ESR1: variants seen among roughly 807,000 people sequenced by gnomAD.
ESR1 encodes the protein estrogen receptor.
A neutral mutation model predicts 52.7 loss-of-function variants in ESR1; 12 were observed. That is an observed-to-expected ratio of 0.23 (90% CI 0.15 to 0.37). The LOEUF (loss-of-function observed/expected upper bound fraction) is 0.37. Ranked by LOEUF, ESR1 falls within the 10% of genes least tolerant of loss-of-function variation. The probability of loss-of-function intolerance (pLI) is 1.00; values close to 1 mark genes in which losing one functional copy is unlikely to be tolerated. For synonymous variants in ESR1, 305 were observed against 316.8 expected (o/e 0.96, Z 0.39); for missense variants, 584 against 779.7 (o/e 0.75, Z 2.99).
At chr6:152,127,935 C>T (rs1483176812) in exon 7 of ESR1, 1 of 152,166 alleles carries the variant, frequency 6.6e-6, no homozygotes, top group East Asian at 1.9e-4. Flanking sequence ...TTTGCCACTT[C>T]TCATTCCATC....
At chr6:151,888,158 G>A (rs1472688876) in intron 3 of ESR1, among the ~76,000 whole-genome samples, 1 of 151,950 alleles carries the variant, frequency 6.6e-6, no homozygotes, top group Admixed American at 6.6e-5. Flanking sequence ...GGGTTTTTTT[G>A]TGGTTCCATA....
intron 6 of ESR1, among the ~76,000 whole-genome samples, chr6:152,062,759 G>A (rs9341024): frequency 1.8e-4 from 27 of 152,228 alleles, no homozygotes; most frequent in African/African-American, 6.3e-4. Flanking sequence ...GGCCTATTAA[G>A]TGTTAAGACT....
intron 2 of ESR1, among the ~76,000 whole-genome samples, chr6:151,762,405 G>C (rs1164917165): frequency 1.3e-5 from 2 of 152,286 alleles, no homozygotes; most frequent in African/African-American, 2.4e-5. Flanking sequence ...CTGGTGTGCT[G>C]TTTGATTATT....
intron 1 of ESR1, among the ~76,000 whole-genome samples, chr6:151,672,493 T>C (rs892980118): frequency 8.6e-5 from 13 of 151,844 alleles, no homozygotes; most frequent in African/African-American, 2.9e-4. Context: ...CATGCCACCG[T>C]GCCCAGCTAA....
chr6:152,095,967 T>G (rs2050577869), intron 7 of ESR1, among the ~76,000 whole-genome samples: 1 of 152,172 alleles, frequency 6.6e-6, no homozygotes, highest in Admixed American at 6.5e-5. Context: ...TGCCAAAAGG[T>G]GAAAGTGGTC....
At chr6:152,074,879 G>A (rs558942078) in intron 6 of ESR1, among the ~76,000 whole-genome samples, 4 of 152,280 alleles carry the variant, frequency 2.6e-5, no homozygotes, top group Admixed American at 2.6e-4. Flanking sequence ...TGCCATCTGT[G>A]TGTCTTCTGT....
chr6:152,122,464 C>T (rs1413852238), intron 6 of ESR1: 2 of 1,614,174 alleles, frequency 1.2e-6, no homozygotes, highest in Admixed American at 3.3e-5. Context: ...ATTCGTGTAT[C>T]TGAGCATGGG....
upstream of ESR1, among the ~76,000 whole-genome samples, chr6:151,685,962 G>A (rs988485078): frequency 2.0e-5 from 3 of 151,920 alleles, no homozygotes; most frequent in Admixed American, 1.3e-4. Flanking sequence ...AAAGTGCAGC[G>A]GCACGAACGT....
intron 6 of ESR1, among the ~76,000 whole-genome samples, chr6:152,077,551 C>T (rs2048843267): frequency 1.3e-5 from 2 of 152,306 alleles, no homozygotes; most frequent in South Asian, 4.1e-4. Context: ...CTGGAAAAGC[C>T]ACAGACACTC....
At chr6:151,663,013 T>C (rs1487904298) in intron 1 of ESR1, among the ~76,000 whole-genome samples, 1 of 152,144 alleles carries the variant, frequency 6.6e-6, no homozygotes, top group Non-Finnish European at 1.5e-5. Flanking sequence ...CCACTTAAGT[T>C]ATCTGTGTCA....
chr6:151,850,034 ATATATATAATTT>A (rs1387534487), intron 2 of ESR1, among the ~76,000 whole-genome samples: 30 of 77,174 alleles, frequency 3.9e-4, no homozygotes, highest in East Asian at 2.5e-3. Context: ...AAAATTATAT[ATATATATAATTT>A]TATATATATA....
chr6:151,818,714 G>A (rs768469886), intron 1 of ESR1, among the ~76,000 whole-genome samples: 3 of 151,976 alleles, frequency 2.0e-5, no homozygotes, highest in Non-Finnish European at 4.4e-5. Flanking sequence ...GCTGTTAGGA[G>A]TTCCTCATTG....
At chr6:151,991,967 A>G (rs941387530) in intron 4 of ESR1, among the ~76,000 whole-genome samples, 2 of 152,056 alleles carry the variant, frequency 1.3e-5, no homozygotes, top group Admixed American at 1.3e-4. Context: ...ATGAGCAGGC[A>G]TCACCTCTTC....
intron 2 of ESR1, among the ~76,000 whole-genome samples, chr6:151,790,251 C>A (rs2128131011): frequency 6.6e-6 from 1 of 152,352 alleles, no homozygotes; most frequent in Non-Finnish European, 1.5e-5. Context: ...CCATTTTCCT[C>A]CGCAAACTTT....
rs4986935 is a variant in ESR1 at position 151,842,587 on chromosome 6, T to C, written c.453-10T>C. On this transcript the variant is annotated splice_polypyrimidine_tract_variant and intron_variant, in intron 1 of 7. Transcript: ENST00000206249. ...TAATGTTAATGGATTTACTGTTTTTTTCCCCCCAGGCCAAATTCAGATAAT... is the reference window on the plus strand; with the variant it reads ...TAATGTTAATGGATTTACTGTTTTTCTCCCCCCAGGCCAAATTCAGATAAT... The C allele has an allele frequency of 1.9e-5, 31 of 1,611,990 alleles. No individual in the cohort carries two copies. Among genetic ancestry groups the C allele is most frequent in the Middle Eastern group, 1.7e-4 (1 of 5,992 alleles).
chr6:151,863,892 C>CAAATTAATT (rs1469017824), intron 2 of ESR1, among the ~76,000 whole-genome samples: 2 of 152,152 alleles, frequency 1.3e-5, no homozygotes, highest in African/African-American at 2.4e-5. Flanking sequence ...CTTCCTTACA[C>CAAATTAATT]CTTATACAAA....
chr6:151,869,755 T>A (rs536227703), intron 2 of ESR1, among the ~76,000 whole-genome samples: 6 of 152,330 alleles, frequency 3.9e-5, no homozygotes, highest in South Asian at 2.1e-4. Flanking sequence ...ATTCCTTTTT[T>A]AAAAATTTTT....
intron 2 of ESR1, among the ~76,000 whole-genome samples, chr6:151,860,098 C>G (rs1214539100): frequency 6.6e-6 from 1 of 152,078 alleles, no homozygotes; most frequent in African/African-American, 2.4e-5. Context: ...TCCACTTTTA[C>G]CTCTTCTTTC....
At chr6:151,678,250 ATCACTTGAGG>A (rs1778321790) in intron 1 of ESR1, among the ~76,000 whole-genome samples, 1 of 152,140 alleles carries the variant, frequency 6.6e-6, no homozygotes, top group Non-Finnish European at 1.5e-5. Flanking sequence ...AGGCAGGTGG[ATCACTTGAGG>A]TCAGGAGTAC....
Sources: gnomAD v4.1 joint callset for allele counts (sites outside exome capture counted in the v4.1 genomes callset) on GRCh38, gnomAD v4.1.1 for gene constraint, MANE v1.5 for transcripts, NCBI Gene and HGNC (gene_info 2026-07-23, HGNC 2026-07-21) for gene names.